NEBL: variants seen among roughly 807,000 people sequenced by gnomAD.
NEBL encodes the protein LIM and SH3 protein 2.
NEBL carries 122 observed loss-of-function variants against 140.2 expected under a neutral mutation model. The observed-to-expected ratio is 0.87, with a 90% CI of 0.75 to 1.01. NEBL has a LOEUF of 1.01. NEBL is among the 50% of genes least tolerant of loss of function. The probability of loss-of-function intolerance (pLI) is 0.00; values close to 1 mark genes in which losing one functional copy is unlikely to be tolerated. For missense variants in NEBL, 1,365 were observed against 1,231.3 expected, an observed-to-expected ratio of 1.11 and a Z score of -1.62; for synonymous variants, 436 against 398.9, an observed-to-expected ratio of 1.09 and a Z score of -1.11.
At chr10:21,146,928 G>A (rs910161806) in intron 2 of NEBL, among the ~76,000 whole-genome samples, 4 of 152,110 alleles carry the variant, frequency 2.6e-5, no homozygotes, top group African/African-American at 9.7e-5. Flanking sequence ...AGTCAATGCA[G>A]AATTCTGCAC....
chr10:21,093,790 A>G (rs1837035172), intron 2 of NEBL, among the ~76,000 whole-genome samples: 1 of 152,198 alleles, frequency 6.6e-6, no homozygotes. Flanking sequence ...ACAAATCAAT[A>G]CATTTCTTGT....
chr10:21,183,694 G>A (rs1427204517), intron 3 of NEBL, among the ~76,000 whole-genome samples: 1 of 152,116 alleles, frequency 6.6e-6, no homozygotes, highest in Non-Finnish European at 1.5e-5. Flanking sequence ...TAAGCTCCTG[G>A]GAATGAGGCC....
intron 3 of NEBL, among the ~76,000 whole-genome samples, chr10:21,019,113 C>T (rs1224646348): frequency 2.6e-5 from 4 of 152,182 alleles, no homozygotes; most frequent in Non-Finnish European, 5.9e-5. Flanking sequence ...AAACTCTGTG[C>T]GTTTCCCTTT....
intron 2 of NEBL, among the ~76,000 whole-genome samples, chr10:21,095,689 G>A (rs758594593): frequency 1.3e-5 from 2 of 152,196 alleles, no homozygotes; most frequent in Admixed American, 6.5e-5. Context: ...GGTGCTCAGA[G>A]AGAAAGGGAC....
intron 1 of NEBL, among the ~76,000 whole-genome samples, chr10:21,288,834 A>G (rs1239649752): frequency 1.2e-5 from 1 of 81,990 alleles, no homozygotes; most frequent in African/African-American, 4.7e-5. Context: ...ATATATATAT[A>G]TATATATATA....
At chr10:21,006,106 G>A (rs1838128311) in intron 3 of NEBL, among the ~76,000 whole-genome samples, 3 of 152,142 alleles carry the variant, frequency 2.0e-5, no homozygotes, top group African/African-American at 7.2e-5. Flanking sequence ...TGTGGCTATA[G>A]AGCTCTATTT....
chr10:20,859,664 A>G, intron 8 of NEBL, 49 bp downstream of exon 8: 1 of 1,273,330 alleles, frequency 7.9e-7, no homozygotes. Flanking sequence ...TCTAAAAAAA[A>G]CAAGAATCAA....
intron 13 of NEBL, among the ~76,000 whole-genome samples, chr10:20,838,461 A>G (rs1036154968): frequency 6.6e-6 from 1 of 152,196 alleles, no homozygotes; most frequent in Non-Finnish European, 1.5e-5. Context: ...TCCAATGGAC[A>G]AGCAAAGAAT....
rs757642024 is a variant in NEBL, at chr10:20,852,603, A to G, written c.950T>C (p.Phe317Ser). 3 of 1,613,844 alleles carry G rather than the reference A, an allele frequency of 1.9e-6. No individual in the cohort carries two copies. Among genetic ancestry groups the G allele is most frequent in the Non-Finnish European group, 1.7e-6 (2 of 1,179,968 alleles). The change falls in exon 10 of 28, where the codon TTT becomes TCT. Residue 317 changes from phenylalanine to serine, a missense_variant. This residue lies in a region of NEBL where 1,323 missense variants were observed against 1,154.8 expected (regional missense o/e 1.15). Coordinates refer to ENST00000377122, the MANE Select transcript of NEBL (RefSeq NM_006393.3). ...LFEENKGMYH[F>S]DADAVEHLHH... ...CAGATGTTCCACAGCATCTGCATCA[A>G]AATGATACATTCCTTTGTTTTCCTC...
intron 4 of NEBL, among the ~76,000 whole-genome samples, chr10:20,924,413 T>TAAAAAAAAAAAAAA (rs71390800): frequency 5.1e-5 from 3 of 59,060 alleles, no homozygotes; most frequent in African/African-American, 6.6e-5. Flanking sequence ...AGGCATGAAG[T>TAAAAAAAAAAAAAA]AAAAAAAAAA....
At chr10:21,188,600 T>C (rs1841517716) in intron 3 of NEBL, among the ~76,000 whole-genome samples, 1 of 114,134 alleles carries the variant, frequency 8.8e-6, no homozygotes, top group South Asian at 2.2e-4. Flanking sequence ...AGTAAAATCT[T>C]TTTTTTTTTT....
intron 2 of NEBL, among the ~76,000 whole-genome samples, chr10:21,161,561 G>C (rs1040108037): frequency 6.6e-6 from 1 of 152,146 alleles, no homozygotes; most frequent in African/African-American, 2.4e-5. Flanking sequence ...ACAGACTCGT[G>C]TATCAATAAA....
intron 4 of NEBL, chr10:20,961,576 C>T (rs1021281326): frequency 1.1e-6 from 1 of 918,324 alleles, no homozygotes; most frequent in Non-Finnish European, 1.8e-6. Context: ...GCTTGCACCC[C>T]ACAGCAACAC....
At chr10:21,250,236 C>G (rs879548419) in intron 2 of NEBL, among the ~76,000 whole-genome samples, 3 of 152,172 alleles carry the variant, frequency 2.0e-5, no homozygotes, top group Non-Finnish European at 4.4e-5. Context: ...CACCCTTAAT[C>G]TGAGTGGGCA....
At chr10:21,069,213 A>C (rs7918237) in intron 2 of NEBL, among the ~76,000 whole-genome samples, 79,883 of 152,018 alleles carry the variant, frequency 0.53, 22,067 homozygotes, top group Middle Eastern at 0.66. Context: ...TCGAGTTTGC[A>C]TGGAACCCAC....
At chr10:21,137,455 T>G (rs2132085776) in intron 2 of NEBL, among the ~76,000 whole-genome samples, 1 of 152,284 alleles carries the variant, frequency 6.6e-6, no homozygotes, top group Admixed American at 6.5e-5. Flanking sequence ...ACCAATCTGG[T>G]TTTGCCCTGG....
At chr10:21,116,569 T>A (rs1474133506) in intron 2 of NEBL, among the ~76,000 whole-genome samples, 3 of 152,150 alleles carry the variant, frequency 2.0e-5, no homozygotes, top group Non-Finnish European at 4.4e-5. Flanking sequence ...CCTTGTCTAG[T>A]AATTCTATCA....
Position 21,263,058 on chromosome 10 carries a change from C to G in NEBL, n.183-11230G>C, listed in dbSNP as rs190577216. On this transcript the variant is annotated intron_variant and non_coding_transcript_variant, in intron 1 of 8. Transcript: ENST00000675702. ...ATCTACTTTGGGTCTTTTGTGGATG[C>G]ACAAGGTGCTGTTATAGTGACAGTA... Among the ~76,000 whole-genome samples the G allele has an allele frequency of 2.9e-4, 44 of 152,234 alleles. 1 individual carries two copies. Among genetic ancestry groups the G allele is most frequent in the Non-Finnish European group, 1.0e-4 (7 of 68,010 alleles).
chr10:21,033,186 C>T (rs1475565517), intron 2 of NEBL, among the ~76,000 whole-genome samples: 3 of 151,954 alleles, frequency 2.0e-5, no homozygotes, highest in Admixed American at 1.3e-4. Context: ...TTGATTACAG[C>T]CAAGAGAAAC....
Sources: allele counts gnomAD v4.1 joint callset (sites outside exome capture counted in the v4.1 genomes callset), GRCh38; gene constraint gnomAD v4.1.1; regional missense constraint gnomAD v4.1.1; transcripts MANE v1.5; gene names NCBI Gene and HGNC (gene_info 2026-07-23, HGNC 2026-07-21).